The following APOBEC3B variants were observed in gnomAD, a reference collection of about 807,000 sequenced individuals.
The protein encoded by APOBEC3B is apolipoprotein B mRNA editing enzyme catalytic subunit 3B.
APOBEC3B carries 29 observed loss-of-function variants against 53.4 expected under a neutral mutation model. The ratio of observed to expected loss-of-function variants is 0.54; its 90% CI spans 0.40 to 0.74. The LOEUF is 0.74. Among genes scored for constraint, APOBEC3B ranks in the 30% least tolerant of loss-of-function variants. APOBEC3B has a pLI of 0.00. For synonymous variants in APOBEC3B, 132 were observed against 184.8 expected (o/e 0.71, Z 2.32); for missense variants, 347 against 496.2 (o/e 0.70, Z 2.86).
Position 38,986,295 on chromosome 22 carries a change from C to T in APOBEC3B, c.455-3C>T. On this transcript the variant is annotated splice_polypyrimidine_tract_variant and splice_region_variant and intron_variant, in intron 3 of 7. Coordinates refer to ENST00000333467, the MANE Select transcript of APOBEC3B (RefSeq NM_004900.5). Reference sequence around the variant, plus strand: ...CTGACTGCTTCCCGCTTCTTCATCTCAGAATTTGCATACTGCTGGGAAAAC... The same window carrying T: ...CTGACTGCTTCCCGCTTCTTCATCTTAGAATTTGCATACTGCTGGGAAAAC... 1 of 1,592,938 alleles carries T rather than the reference C, an allele frequency of 6.3e-7. No homozygotes were observed. Among genetic ancestry groups the T allele is most frequent in the Non-Finnish European group, 8.5e-7 (1 of 1,172,010 alleles).
intron 4 of APOBEC3B, among the ~76,000 whole-genome samples, chr22:38,988,704 T>G (rs1232456050): frequency 8.1e-6 from 1 of 122,888 alleles, no homozygotes; most frequent in Non-Finnish European, 1.6e-5. Flanking sequence ...TTTCTTTCTT[T>G]CTTTCTTTCT....
chr22:38,982,546 G>A, intron 1 of APOBEC3B, 76 bp downstream of exon 1: 1 of 1,534,596 alleles, frequency 6.5e-7, no homozygotes, highest in African/African-American at 1.4e-5. Flanking sequence ...CTCAACCCTG[G>A]CCTCCCCCCG....
rs1569039137 is a variant in APOBEC3B at position 38,988,731 on chromosome 22, T to TCTTTCTCTC, written c.570-726_570-725insCTTTCTCTC. Among the ~76,000 whole-genome samples, 9 of 126,204 alleles carry TCTTTCTCTC rather than the reference T, an allele frequency of 7.1e-5. 1 individual carries two copies. The highest frequency in any genetic ancestry group is 2.7e-4 in the African/African-American group (9 of 33,216). 82.8% of individuals were successfully genotyped at this position (126,204 alleles called of 152,430 possible). A position where few individuals can be genotyped will look rare whatever the true frequency, so the allele number is the denominator to read the frequency against. On this transcript the variant is annotated intron_variant, in intron 4 of 7. Transcript: ENST00000333467. ...TTTCTTTCTTTCTTTCTTTCTTTCT[T>TCTTTCTCTC]TCTTTCTTTCTTTCTTCCTTTCTTC...
chr22:38,985,652 A>G (rs1360646863), intron 2 of APOBEC3B, among the ~76,000 whole-genome samples, 160 bp from the exon 3 acceptor site: 1 of 147,404 alleles, frequency 6.8e-6, no homozygotes, highest in Admixed American at 7.0e-5. Context: ...TGAGCTTTGG[A>G]GCAGACAATC....
chr22:38,992,184 G>A lies in APOBEC3B; in HGVS notation c.1134+35G>A, dbSNP rs201246417. 8.1e-5 allele frequency: 128 copies of A among 1,583,526 alleles called. 7 individuals carry two copies. Among genetic ancestry groups the A allele is most frequent in the Middle Eastern group, 7.2e-4 (4 of 5,582 alleles). On this transcript the variant is annotated intron_variant, in intron 7 of 7. Transcript: ENST00000333467. ...TCCTCCCTCTGCCTGGTGCCCCATC[G>A]GCCTCCCCCTCCTCCCCGCTCCCCT...
Position 38,987,163 on chromosome 22 carries a change from G to A in APOBEC3B, c.569+751G>A, listed in dbSNP as rs535780679. ...CCAAGACAAGCCTGCCAGGGAGGCT[G>A]CACATGAAGCCCCAGATCAGGGACC... On this transcript the variant is annotated intron_variant, in intron 4 of 7. Coordinates refer to ENST00000333467, the MANE Select transcript of APOBEC3B (RefSeq NM_004900.5). 5.4e-5 allele frequency among the ~76,000 whole-genome samples: 8 copies of A among 149,016 alleles called. No individual in the cohort carries two copies. In the South Asian group the frequency reaches 6.6e-4, roughly 12 times the overall value.
chr22:38,983,886 G>T (rs553358785), intron 1 of APOBEC3B, among the ~76,000 whole-genome samples, 189 bp from the exon 2 acceptor site: 2 of 147,770 alleles, frequency 1.4e-5, no homozygotes, highest in African/African-American at 5.0e-5. Context: ...ACCCCAGCCC[G>T]CCTGCCAGCA....
intron 1 of APOBEC3B, 66 bp from the exon 2 acceptor site, chr22:38,984,009 G>A: frequency 6.5e-7 from 1 of 1,529,630 alleles, no homozygotes. Context: ...GTGTTCAGTG[G>A]ACATGAGCCC....
Position 38,987,302 on chromosome 22 carries a change from T to G in APOBEC3B, c.569+890T>G, listed in dbSNP as rs1424099992. Reference sequence around the variant, plus strand: ...CCCAGCCCTGGGCTCTCTCCCCTCCTGTTCCTCTGCCACCCCCACTCCCAG... The same window carrying G: ...CCCAGCCCTGGGCTCTCTCCCCTCCGGTTCCTCTGCCACCCCCACTCCCAG... On this transcript the variant is annotated intron_variant, in intron 4 of 7. Coordinates refer to ENST00000333467, the MANE Select transcript of APOBEC3B (RefSeq NM_004900.5). Among the ~76,000 whole-genome samples the G allele has an allele frequency of 2.0e-5, 3 of 147,226 alleles. 1 individual carries two copies. In the East Asian group the frequency reaches 7.0e-4, roughly 34 times the overall value.
chr22:38,984,723 C>T (rs979851830), intron 2 of APOBEC3B, among the ~76,000 whole-genome samples: 1 of 147,912 alleles, frequency 6.8e-6, no homozygotes, highest in African/African-American at 2.5e-5. Flanking sequence ...TTATAACTGT[C>T]GTTGGAGTGA....
intron 1 of APOBEC3B, among the ~76,000 whole-genome samples, chr22:38,983,294 G>A (rs1018780802): frequency 6.8e-6 from 1 of 147,618 alleles, no homozygotes; most frequent in Non-Finnish European, 1.5e-5. Flanking sequence ...CTCCAGCCTG[G>A]GCGACAGAGT....
intron 4 of APOBEC3B, among the ~76,000 whole-genome samples, chr22:38,988,722 T>TTTCTTTCC (rs60041366): frequency 3.0e-5 from 4 of 134,956 alleles, no homozygotes; most frequent in African/African-American, 1.1e-4. Context: ...TCTTTCTTTC[T>TTTCTTTCC]TTCTTTCTTT....
rs113797401 is a variant in APOBEC3B, at chr22:38,989,365, A to G, written c.570-92A>G. ...CTGACAGGTGCCTCAGTATATGGGGAGCAGGGAAGGAGTGGGGGGTGCAGG... is the reference window on the plus strand; with the variant it reads ...CTGACAGGTGCCTCAGTATATGGGGGGCAGGGAAGGAGTGGGGGGTGCAGG... On this transcript the variant is annotated intron_variant, in intron 4 of 7. Transcript: ENST00000333467. The G allele has an allele frequency of 5.1e-4, 636 of 1,250,482 alleles. 21 individuals carry two copies. The highest frequency in any genetic ancestry group is 5.0e-4 in the Admixed American group (22 of 43,996). The allele number at this position is 1,250,482 out of a possible 1,614,324, so 77.5% of individuals were successfully genotyped here. A position where few individuals can be genotyped will look rare whatever the true frequency, so the allele number is the denominator to read the frequency against.
rs1209085777 is a variant in APOBEC3B at position 38,984,609 on chromosome 22, T to G, written c.174+378T>G. On this transcript the variant is annotated intron_variant, in intron 2 of 7. Coordinates refer to ENST00000333467, the MANE Select transcript of APOBEC3B (RefSeq NM_004900.5). ...AGGAGAGACAGTAAAGGAATTTGTC[T>G]TTTTTTTAAAAAATTTTTTTAAAAT... 1.3e-5 allele frequency among the ~76,000 whole-genome samples: 2 copies of G among 148,378 alleles called. 1 individual carries two copies. Among genetic ancestry groups the G allele is most frequent in the East Asian group, 4.5e-4 (2 of 4,458 alleles).
At position 38,992,005 on chromosome 22, in the gene APOBEC3B, C is replaced by T. The variant is rs114849305; in HGVS notation, c.1019-29C>T. 2,172 of 1,545,432 alleles carry T rather than the reference C, an allele frequency of 1.4e-3. 115 individuals are homozygous for T. In the African/African-American group the frequency reaches 0.026, roughly 19 times the overall value. On this transcript the variant is annotated intron_variant, in intron 6 of 7. Transcript: ENST00000333467. Reference sequence around the variant, plus strand: ...TGCTGCCCCCTCCCCACAACAGGAGCGTGACTTATCTCCCCTGTCCCTTTT... The same window carrying T: ...TGCTGCCCCCTCCCCACAACAGGAGTGTGACTTATCTCCCCTGTCCCTTTT...
chr22:38,982,394 G>A lies in APOBEC3B; in HGVS notation c.-60G>A, dbSNP rs1923568363. On this transcript the variant is annotated 5_prime_UTR_variant, in exon 1 of 8. Coordinates refer to ENST00000333467, the MANE Select transcript of APOBEC3B (RefSeq NM_004900.5). ...TGCAAGGACGCTGTAAGCAGGAAGT[G>A]AAACCACAGAGCTTCAAAAAAAGAG... 3.1e-6 allele frequency: 5 copies of A among 1,588,274 alleles called. No homozygotes were observed. Among genetic ancestry groups the A allele is most frequent in the Non-Finnish European group, 4.3e-6 (5 of 1,168,368 alleles).
chr22:38,990,589 A>G (rs201105731), intron 5 of APOBEC3B, among the ~76,000 whole-genome samples: 4,944 of 144,872 alleles, frequency 0.034, 352 homozygotes, highest in African/African-American at 0.072. Flanking sequence ...ACCTTCCCAC[A>G]TTGGAGTGAG....
At chr22:38,988,979 C>T (rs1393306015) in intron 4 of APOBEC3B, among the ~76,000 whole-genome samples, 1 of 147,092 alleles carries the variant, frequency 6.8e-6, no homozygotes, top group Non-Finnish European at 1.5e-5. Context: ...AAAAAGATGT[C>T]CCTGGCAGGC....
chr22:38,989,676 G>A (rs1408429922), intron 5 of APOBEC3B, 66 bp downstream of exon 5: 3 of 1,398,130 alleles, frequency 2.1e-6, no homozygotes, highest in East Asian at 2.9e-5. Context: ...ATAGATAGAA[G>A]GTTCTGGGTG....
Sources: gnomAD v4.1 joint callset for allele counts (sites outside exome capture counted in the v4.1 genomes callset) on GRCh38, gnomAD v4.1.1 for gene constraint, MANE v1.5 for transcripts, NCBI Gene and HGNC (gene_info 2026-07-23, HGNC 2026-07-21) for gene names.